The following ATP2C1 variants were observed in gnomAD, a reference collection of about 807,000 sequenced individuals.
The protein encoded by ATP2C1 is calcium-transporting ATPase type 2C member 1.
ATP2C1 carries 31 observed loss-of-function variants against 120.5 expected under a neutral mutation model. The ratio of observed to expected loss-of-function variants is 0.26; its 90% CI spans 0.19 to 0.35. The LOEUF (loss-of-function observed/expected upper bound fraction) is 0.35, where lower values mean the gene tolerates loss of function less well. Ranked by LOEUF, ATP2C1 falls within the 10% of genes least tolerant of loss-of-function variation. The pLI, the probability that ATP2C1 is intolerant of heterozygous loss-of-function variation, is 1.00. For missense variants in ATP2C1, 731 were observed against 1,107.5 expected, an observed-to-expected ratio of 0.66 and a Z score of 4.83; for synonymous variants, 351 against 358.7, an observed-to-expected ratio of 0.98 and a Z score of 0.24.
chr3:130,972,683 C>G (rs2061379509), intron 17 of ATP2C1, among the ~76,000 whole-genome samples: 1 of 141,674 alleles, frequency 7.1e-6, no homozygotes, highest in South Asian at 2.3e-4. Context: ...TCTCATTGTT[C>G]ACTTCTCATC....
rs185717237 is a variant in ATP2C1, at chr3:130,873,947, T to C, written c.108+23019T>C. Among the ~76,000 whole-genome samples, 576 of 152,014 alleles carry C rather than the reference T, an allele frequency of 3.8e-3. 1 individual carries two copies. Among genetic ancestry groups the C allele is most frequent in the Middle Eastern group, 0.014 (4 of 294 alleles). Reference sequence around the variant, plus strand: ...CAACATGGTGAAACCCCGTCTCTACTAAAAATACAAAAATTAGCCCGGCAT... The same window carrying C: ...CAACATGGTGAAACCCCGTCTCTACCAAAAATACAAAAATTAGCCCGGCAT... On this transcript the variant is annotated intron_variant, in intron 1 of 26. Coordinates refer to the ATP2C1 transcript ENST00000504381.
At chr3:130,915,389 C>CA (rs1445724115) in intron 2 of ATP2C1, among the ~76,000 whole-genome samples, 1 of 152,032 alleles carries the variant, frequency 6.6e-6, no homozygotes, top group African/African-American at 2.4e-5. Context: ...CTACTGCGCC[C>CA]GGCCTAATTC....
At chr3:130,992,187 C>G (rs1039544604) in intron 20 of ATP2C1, among the ~76,000 whole-genome samples, 3 of 152,038 alleles carry the variant, frequency 2.0e-5, no homozygotes, top group African/African-American at 7.3e-5. Context: ...CCGTGTTCCA[C>G]CTGTAGGCTC....
chr3:131,004,323 T>C (rs1270903230), downstream of ATP2C1, among the ~76,000 whole-genome samples: 1 of 152,238 alleles, frequency 6.6e-6, no homozygotes, highest in Non-Finnish European at 1.5e-5. Context: ...TAGTACGTGA[T>C]TGGACAGACA....
intron 8 of ATP2C1, among the ~76,000 whole-genome samples, chr3:130,944,432 T>G (rs2060046994): frequency 6.6e-6 from 1 of 152,226 alleles, no homozygotes; most frequent in African/African-American, 2.4e-5. Context: ...GTTTGGTTTC[T>G]GGTGAGGACT....
chr3:130,869,422 TAAAAAATAAAAAAAAAAAAAAA>T (rs2068344499), intron 1 of ATP2C1: 1 of 54,808 alleles, frequency 1.8e-5, no homozygotes, highest in Admixed American at 2.4e-4. Flanking sequence ...GAATGATCAA[TAAAAAATAAAAAAAAAAAAAAA>T]AAAAAAAAAA....
chr3:130,949,068 C>T (rs138355174), intron 8 of ATP2C1, among the ~76,000 whole-genome samples: 290 of 152,186 alleles, frequency 1.9e-3, no homozygotes, highest in African/African-American at 6.8e-3. Context: ...CTACAGTGGC[C>T]TCTTAAGTGT....
chr3:130,919,661 G>C (rs2058862804), intron 2 of ATP2C1, among the ~76,000 whole-genome samples: 1 of 152,120 alleles, frequency 6.6e-6, no homozygotes, highest in Non-Finnish European at 1.5e-5. Flanking sequence ...ACATCGGAGT[G>C]GTAATATCCG....
At position 130,894,150 on chromosome 3, in the gene ATP2C1, C is replaced by CCCCCA; in HGVS notation, c.-365_-364insCACCC. 1 of 322,812 alleles carries CCCCCA rather than the reference C, an allele frequency of 3.1e-6. No individual in the cohort carries two copies. The highest frequency in any genetic ancestry group is 4.4e-6 in the Non-Finnish European group (1 of 224,900). The allele number at this position is 322,812 out of a possible 1,614,324, so 20.0% of individuals were successfully genotyped here. ...CGGGTCCCCTCACCTCCTCTTCTCT[C>CCCCCA]CCCTCCCCGCCCGCCCTCTCTCCCT... On this transcript the variant is annotated 5_prime_UTR_variant, in exon 1 of 28. Transcript: ENST00000510168. The surrounding 1 kb of genome is among the most constrained non-coding windows in gnomAD (Gnocchi z 4.5).
At chr3:130,919,994 A>T (rs966882007) in intron 2 of ATP2C1, among the ~76,000 whole-genome samples, 3 of 152,180 alleles carry the variant, frequency 2.0e-5, no homozygotes, top group African/African-American at 7.2e-5. Context: ...ATATGTTTGG[A>T]GAAATGTCTG....
At chr3:130,989,172 C>G (rs897300034) in intron 20 of ATP2C1, among the ~76,000 whole-genome samples, 3 of 149,828 alleles carry the variant, frequency 2.0e-5, no homozygotes, top group Non-Finnish European at 1.5e-5. Flanking sequence ...ATTGCTTGAA[C>G]CAAGGAGGCA....
At chr3:131,013,362 C>A (rs1161282915) in intron 26 of ATP2C1, among the ~76,000 whole-genome samples, 2 of 152,140 alleles carry the variant, frequency 1.3e-5, no homozygotes, top group Admixed American at 1.3e-4. Context: ...TAAATACTTT[C>A]ACATCTCATT....
intron 12 of ATP2C1, 189 bp from the exon 13 acceptor site, chr3:130,963,782 C>G: frequency 1.6e-6 from 1 of 614,020 alleles, no homozygotes; most frequent in Non-Finnish European, 2.8e-6. Flanking sequence ...TTTTTAACCA[C>G]TGTGCTTAAC....
intron 2 of ATP2C1, among the ~76,000 whole-genome samples, chr3:130,913,254 A>G (rs1030104671): frequency 1.3e-5 from 2 of 151,898 alleles, no homozygotes; most frequent in African/African-American, 4.8e-5. Flanking sequence ...AATAAAAAAT[A>G]AATAAATTTA....
chr3:130,850,633 G>C, exon 1 of ATP2C1: 1 of 419,816 alleles, frequency 2.4e-6, no homozygotes, highest in Non-Finnish European at 4.3e-6. Context: ...GTTCATACTT[G>C]GCTGTCTGGT....
intron 1 of ATP2C1, among the ~76,000 whole-genome samples, chr3:130,887,326 C>G (rs535980317): frequency 6.6e-6 from 1 of 152,282 alleles, no homozygotes; most frequent in East Asian, 1.9e-4. Flanking sequence ...TAACCACTAC[C>G]TGGGTACCAC....
intron 26 of ATP2C1, among the ~76,000 whole-genome samples, chr3:131,010,832 C>G (rs929236535): frequency 6.6e-6 from 1 of 152,184 alleles, no homozygotes; most frequent in Non-Finnish European, 1.5e-5. Flanking sequence ...TCTGGTCTCA[C>G]GTTGTCTTAA....
intron 2 of ATP2C1, among the ~76,000 whole-genome samples, chr3:130,910,021 C>T (rs956457704): frequency 9.2e-5 from 14 of 152,026 alleles, no homozygotes; most frequent in Non-Finnish European, 1.8e-4. Context: ...TAGGTTTTTA[C>T]ATTTATTTCT....
At chr3:130,853,938 C>A (rs1169930880) in intron 1 of ATP2C1, among the ~76,000 whole-genome samples, 1 of 152,174 alleles carries the variant, frequency 6.6e-6, no homozygotes, top group African/African-American at 2.4e-5. Flanking sequence ...TCCCCATACC[C>A]CTTTTCTGTG....
Sources: gnomAD v4.1 joint callset for allele counts (sites outside exome capture counted in the v4.1 genomes callset) on GRCh38, gnomAD v4.1.1 for gene constraint, Gnocchi (gnomAD v3.1) non-coding constraint, MANE v1.5 for transcripts, NCBI Gene and HGNC (gene_info 2026-07-23, HGNC 2026-07-21) for gene names.